BMPR1B: variants seen among roughly 807,000 people sequenced by gnomAD.
The protein encoded by BMPR1B is bone morphogenetic protein receptor type 1B.
Under a neutral mutation model 59.1 loss-of-function variants are expected in BMPR1B, and 12 were observed. The ratio of observed to expected loss-of-function variants is 0.20; its 90% CI spans 0.13 to 0.33. BMPR1B has a LOEUF of 0.33. Ranked by LOEUF, BMPR1B falls within the 10% of genes least tolerant of loss-of-function variation. The probability of loss-of-function intolerance (pLI) is 1.00; values close to 1 mark genes in which losing one functional copy is unlikely to be tolerated. For synonymous variants in BMPR1B, 237 were observed against 207.3 expected (o/e 1.14, Z -1.23); for missense variants, 550 against 610.9 (o/e 0.90, Z 1.05).
At chr4:94,953,836 T>C (rs951422883) in intron 2 of BMPR1B, among the ~76,000 whole-genome samples, 1 of 152,190 alleles carries the variant, frequency 6.6e-6, no homozygotes, top group Non-Finnish European at 1.5e-5. Flanking sequence ...TCCTGGATAA[T>C]ATCCTGAAGT....
chr4:95,114,591 T>C, intron 4 of BMPR1B, 129 bp from the exon 5 acceptor site: 1 of 844,460 alleles, frequency 1.2e-6, no homozygotes, highest in Non-Finnish European at 2.0e-6. Context: ...TCATTGACAT[T>C]CTCCTTGTTG....
At chr4:94,889,112 C>G (rs1417492757) in intron 2 of BMPR1B, among the ~76,000 whole-genome samples, 1 of 151,974 alleles carries the variant, frequency 6.6e-6, no homozygotes, top group Non-Finnish European at 1.5e-5. Context: ...CCAGGAGCCT[C>G]TTGCTGGGGA....
At chr4:95,026,956 A>T (rs72891468) in intron 3 of BMPR1B, among the ~76,000 whole-genome samples, 7,608 of 151,810 alleles carry the variant, frequency 0.05, 246 homozygotes, top group African/African-American at 0.097. Context: ...GTAGAGATGG[A>T]GTCTTGCTGT....
At chr4:94,831,217 A>G (rs1724571986) in intron 1 of BMPR1B, among the ~76,000 whole-genome samples, 1 of 148,074 alleles carries the variant, frequency 6.8e-6, no homozygotes, top group African/African-American at 2.5e-5. Context: ...CGTTTTTAAC[A>G]AGAAAGTTTA....
At chr4:95,035,052 A>G (rs1725140257) in intron 3 of BMPR1B, among the ~76,000 whole-genome samples, 1 of 151,660 alleles carries the variant, frequency 6.6e-6, no homozygotes, top group Non-Finnish European at 1.5e-5. Flanking sequence ...CATTTTTTTC[A>G]TATGTTTGTT....
intron 3 of BMPR1B, among the ~76,000 whole-genome samples, chr4:95,013,390 C>A (rs1723357352): frequency 6.6e-6 from 1 of 152,094 alleles, no homozygotes; most frequent in Non-Finnish European, 1.5e-5. Context: ...GGCTGACTTA[C>A]AGGTACAGGT....
intron 3 of BMPR1B, among the ~76,000 whole-genome samples, chr4:95,042,700 G>A (rs1200446395): frequency 6.6e-6 from 1 of 152,140 alleles, no homozygotes; most frequent in Non-Finnish European, 1.5e-5. Context: ...CATTATCATT[G>A]TTGTCATCAT....
intron 1 of BMPR1B, among the ~76,000 whole-genome samples, chr4:94,869,988 T>C (rs2148966487): frequency 6.6e-6 from 1 of 152,286 alleles, no homozygotes; most frequent in East Asian, 1.9e-4. Context: ...TTATGGGCAA[T>C]AGGGTTGAAA....
intron 2 of BMPR1B, among the ~76,000 whole-genome samples, chr4:94,969,063 T>C (rs1207686619): frequency 6.6e-6 from 1 of 151,100 alleles, no homozygotes; most frequent in Non-Finnish European, 1.5e-5. Context: ...TGAGACGGAG[T>C]CTTGCTTTGT....
At chr4:95,104,593 T>G (rs1213648729) in intron 4 of BMPR1B, 26 bp downstream of exon 4, 1 of 1,612,612 alleles carries the variant, frequency 6.2e-7, no homozygotes, top group African/African-American at 1.3e-5. Context: ...GATTTAAAGC[T>G]AGCTTTAACA....
intron 3 of BMPR1B, 139 bp from the exon 4 acceptor site, chr4:95,104,269 C>G (rs543805169): frequency 2.9e-6 from 3 of 1,025,622 alleles, no homozygotes; most frequent in African/African-American, 3.2e-5. Context: ...ATCAAAATAC[C>G]AAAATGTCTG....
chr4:94,814,013 C>G (rs1298032900), intron 1 of BMPR1B, among the ~76,000 whole-genome samples: 2 of 152,084 alleles, frequency 1.3e-5, no homozygotes, highest in African/African-American at 2.4e-5. Context: ...GCCAAGTAGG[C>G]AGCTGTATAT....
chr4:94,835,518 A>C (rs1298686882), intron 1 of BMPR1B, among the ~76,000 whole-genome samples: 1 of 152,222 alleles, frequency 6.6e-6, no homozygotes, highest in Admixed American at 6.5e-5. Context: ...AGTGTTCAGG[A>C]TCGCAATAAA....
intron 1 of BMPR1B, among the ~76,000 whole-genome samples, chr4:94,809,502 T>A (rs144823519): frequency 1.1e-3 from 164 of 152,336 alleles, no homozygotes; most frequent in African/African-American, 3.9e-3. Flanking sequence ...CTTTCAGATA[T>A]CTGAGGATTA....
intron 2 of BMPR1B, among the ~76,000 whole-genome samples, chr4:94,882,623 T>C (rs1727018089): frequency 6.6e-6 from 1 of 152,218 alleles, no homozygotes; most frequent in Non-Finnish European, 1.5e-5. Context: ...ACTTACCTGA[T>C]AACAGGTTAA....
intron 3 of BMPR1B, among the ~76,000 whole-genome samples, chr4:95,028,358 C>G (rs944935638): frequency 6.6e-6 from 1 of 152,078 alleles, no homozygotes; most frequent in African/African-American, 2.4e-5. Flanking sequence ...TGTTGTTTGA[C>G]TTTGGAAGCA....
chr4:94,823,207 C>T (rs892904229), intron 1 of BMPR1B, among the ~76,000 whole-genome samples: 14 of 152,074 alleles, frequency 9.2e-5, no homozygotes, highest in African/African-American at 1.4e-4. Flanking sequence ...TTAACCTCAC[C>T]AAAGAGTGAC....
At chr4:94,779,905 A>G (rs1473750740) in intron 1 of BMPR1B, among the ~76,000 whole-genome samples, 1 of 152,092 alleles carries the variant, frequency 6.6e-6, no homozygotes, top group Non-Finnish European at 1.5e-5. Context: ...TTCATAGTAA[A>G]TGGATATTAA....
rs557379432 is a variant in BMPR1B at position 94,859,293 on chromosome 4, A to G, written c.-182-16538A>G. Among the ~76,000 whole-genome samples, 4 of 152,344 alleles carry G rather than the reference A, an allele frequency of 2.6e-5. No homozygotes were observed. The East Asian group carries it at 7.7e-4, about 29-fold the overall frequency. Reference sequence around the variant, plus strand: ...TTTAAAAAAAGAATTACTTTTTAACAGGATTTTAAAAAAACTTCCGTCTTT... The same window carrying G: ...TTTAAAAAAAGAATTACTTTTTAACGGGATTTTAAAAAAACTTCCGTCTTT... On this transcript the variant is annotated intron_variant, in intron 1 of 12. Coordinates refer to ENST00000515059, the MANE Select transcript of BMPR1B (RefSeq NM_001203.3).
Sources: allele counts gnomAD v4.1 joint callset (sites outside exome capture counted in the v4.1 genomes callset), GRCh38; gene constraint gnomAD v4.1.1; transcripts MANE v1.5; gene names NCBI Gene and HGNC (gene_info 2026-07-23, HGNC 2026-07-21).